Variants in SCARA3 observed in about 807,000 individuals in gnomAD.
SCARA3 encodes scavenger receptor class A member 3.
In SCARA3, 39 loss-of-function variants were observed where a neutral mutation model predicts 47.0. The observed-to-expected ratio is 0.83, with a 90% CI of 0.64 to 1.08. SCARA3 has a LOEUF of 1.08. Among genes scored for constraint, SCARA3 ranks in the 50% least tolerant of loss-of-function variants. The probability of loss-of-function intolerance (pLI) is 0.00; values close to 1 mark genes in which losing one functional copy is unlikely to be tolerated. For synonymous variants in SCARA3, 356 were observed against 334.1 expected (o/e 1.07, Z -0.71); for missense variants, 724 against 792.3 (o/e 0.91, Z 1.04).
the SCARA3 span, among the ~76,000 whole-genome samples, chr8:27,693,013 C>A: frequency 6.6e-6 from 1 of 151,262 alleles, no homozygotes; most frequent in Non-Finnish European, 1.5e-5. Flanking sequence ...GTAGTCCCAG[C>A]AAGTTGGGAG....
chr8:27,636,061 C>T (rs1240687419), intron 1 of SCARA3, among the ~76,000 whole-genome samples: 1 of 152,212 alleles, frequency 6.6e-6, no homozygotes, highest in Admixed American at 6.5e-5. Context: ...CCCTAGGGAG[C>T]ACCTGGCAGG....
At chr8:27,724,617 C>A in the SCARA3 span, among the ~76,000 whole-genome samples, 1 of 152,186 alleles carries the variant, frequency 6.6e-6, no homozygotes, top group Non-Finnish European at 1.5e-5. Flanking sequence ...AAGATCGCAC[C>A]ATTGCACTCC....
At chr8:27,646,848 G>A (rs1399157692) in intron 1 of SCARA3, among the ~76,000 whole-genome samples, 1 of 151,978 alleles carries the variant, frequency 6.6e-6, no homozygotes, top group African/African-American at 2.4e-5. Flanking sequence ...GATTGACGAT[G>A]GGACAGCTGC....
intron 1 of SCARA3, among the ~76,000 whole-genome samples, chr8:27,644,733 T>C (rs1801456059): frequency 6.6e-6 from 1 of 152,068 alleles, no homozygotes; most frequent in Non-Finnish European, 1.5e-5. Context: ...CATAACATGA[T>C]GATTTCATTA....
At chr8:27,688,475 C>T in the SCARA3 span, among the ~76,000 whole-genome samples, 3 of 151,242 alleles carry the variant, frequency 2.0e-5, no homozygotes, top group South Asian at 2.1e-4. Flanking sequence ...GTAGGAGGAT[C>T]GCTTGAGTGC....
the SCARA3 span, among the ~76,000 whole-genome samples, chr8:27,712,681 T>A: frequency 3.3e-5 from 5 of 151,588 alleles, no homozygotes; most frequent in Non-Finnish European, 5.9e-5. Flanking sequence ...TCCATTCCCC[T>A]CTGAAGAACA....
At chr8:27,638,428 G>A (rs571880299) in intron 1 of SCARA3, among the ~76,000 whole-genome samples, 18 of 151,878 alleles carry the variant, frequency 1.2e-4, no homozygotes, top group African/African-American at 4.3e-4. Context: ...GTACTCCCTG[G>A]GGTCAGTCCC....
chr8:27,642,920 G>A (rs1245321191), intron 1 of SCARA3, among the ~76,000 whole-genome samples: 1 of 152,210 alleles, frequency 6.6e-6, no homozygotes, highest in African/African-American at 2.4e-5. Flanking sequence ...GGGGGGGTTG[G>A]TGCTGTGGAC....
At chr8:27,683,348 TA>T in the SCARA3 span, among the ~76,000 whole-genome samples, 5 of 152,170 alleles carry the variant, frequency 3.3e-5, no homozygotes, top group South Asian at 2.1e-4. Flanking sequence ...ATATCTTGAT[TA>T]GGGGTGGTGG....
At chr8:27,705,300 G>A in the SCARA3 span, among the ~76,000 whole-genome samples, 1 of 152,230 alleles carries the variant, frequency 6.6e-6, no homozygotes, top group Non-Finnish European at 1.5e-5. Context: ...CAGGCACTGG[G>A]CTGATGGAAA....
intron 5 of SCARA3, among the ~76,000 whole-genome samples, chr8:27,664,713 T>C: frequency 6.7e-6 from 1 of 149,396 alleles, no homozygotes; most frequent in East Asian, 2.2e-4. Flanking sequence ...GTCCTAGTCA[T>C]GCGTGGAGTT....
In SCARA3 at chr8:27,658,643, A is replaced by G. The variant is rs1182480175; in HGVS notation, c.473A>G (p.Glu158Gly). The change falls in exon 5 of 6, where the codon GAG becomes GGG. Residue 158 changes from glutamate to glycine, a missense_variant. Glu to Gly is a moderately conservative substitution (Grantham distance 98). Transcript: ENST00000301904. ...VQLDQTLQAQ[E>G]VLSTTSRQIS... ...CTGGACCAGACCTTACAGGCCCAGG[A>G]GGTGCTCTCCACCACCAGCAGACAA... 9 of 1,614,010 alleles carry G rather than the reference A, an allele frequency of 5.6e-6. No individual in the cohort carries two copies. Among genetic ancestry groups the G allele is most frequent in the Non-Finnish European group, 7.6e-6 (9 of 1,180,028 alleles).
chr8:27,671,684 GCA>G lies in SCARA3; in HGVS notation c.*338_*339del, dbSNP rs1405689799. ...CACACACACATGCACACATACACGT[GCA>G]CACATACACAGGCACACATGCATGC... On this transcript the variant is annotated 3_prime_UTR_variant, in exon 6 of 6. Coordinates refer to ENST00000301904, the MANE Select transcript of SCARA3 (RefSeq NM_016240.3). 2 of 1,074,762 alleles carry G rather than the reference GCA, an allele frequency of 1.9e-6. No individual in the cohort carries two copies. Among genetic ancestry groups the G allele is most frequent in the Non-Finnish European group, 2.3e-6 (2 of 883,392 alleles). The allele number at this position is 1,074,762 out of a possible 1,614,324, so 66.6% of individuals were successfully genotyped here.
At chr8:27,732,806 G>A in the SCARA3 span, among the ~76,000 whole-genome samples, 2 of 152,212 alleles carry the variant, frequency 1.3e-5, no homozygotes, top group Admixed American at 1.3e-4. Context: ...ATTCAAATAT[G>A]CTTTTACAGC....
intron 3 of SCARA3, among the ~76,000 whole-genome samples, chr8:27,652,007 G>A (rs1034509269): frequency 5.9e-5 from 9 of 152,232 alleles, no homozygotes; most frequent in African/African-American, 1.9e-4. Context: ...TGATGATTCT[G>A]TTGTTCACCC....
the SCARA3 span, among the ~76,000 whole-genome samples, chr8:27,721,385 T>G: frequency 6.6e-6 from 1 of 152,100 alleles, no homozygotes; most frequent in Non-Finnish European, 1.5e-5. Flanking sequence ...TAACAAACAT[T>G]TCAGGTCTTA....
the SCARA3 span, among the ~76,000 whole-genome samples, chr8:27,696,895 A>C: frequency 2.6e-5 from 4 of 152,318 alleles, no homozygotes; most frequent in South Asian, 8.3e-4. Context: ...ATGGGAATGG[A>C]GAATGACTAT....
downstream of SCARA3, among the ~76,000 whole-genome samples, chr8:27,674,466 C>T (rs1486742540): frequency 1.3e-5 from 2 of 152,302 alleles, no homozygotes; most frequent in East Asian, 3.9e-4. Context: ...GTGGACTGGT[C>T]TTGCCTCCAT....
chr8:27,637,128 G>A (rs910445682), intron 1 of SCARA3, among the ~76,000 whole-genome samples: 9 of 152,248 alleles, frequency 5.9e-5, no homozygotes, highest in Non-Finnish European at 1.2e-4. Context: ...CACGCTAGTC[G>A]GGCTGCCCAG....
Sources: allele counts gnomAD v4.1 joint callset (sites outside exome capture counted in the v4.1 genomes callset), GRCh38; gene constraint gnomAD v4.1.1; transcripts MANE v1.5; gene names NCBI Gene and HGNC (gene_info 2026-07-23, HGNC 2026-07-21).